SPOCD1: variants seen among roughly 807,000 people sequenced by gnomAD.
The protein encoded by SPOCD1 is SPOC domain containing 1.
A neutral mutation model predicts 92.2 loss-of-function variants in SPOCD1; 64 were observed. That is an observed-to-expected ratio of 0.69 (90% CI 0.57 to 0.86). The LOEUF (loss-of-function observed/expected upper bound fraction) is 0.86, where lower values mean the gene tolerates loss of function less well. SPOCD1 is among the 40% of genes least tolerant of loss of function. The pLI is 0.00. For synonymous variants in SPOCD1, 578 were observed against 619.3 expected (o/e 0.93, Z 0.99); for missense variants, 1,360 against 1,543.1 (o/e 0.88, Z 1.99).
At chr1:31,792,098 G>A (rs1647634499) in intron 15 of SPOCD1, 117 bp downstream of exon 15, 13 of 1,144,028 alleles carry the variant, frequency 1.1e-5, no homozygotes, top group Non-Finnish European at 1.6e-5. Flanking sequence ...TTGCCTGGCT[G>A]GGTGAGGAGT....
At chr1:31,796,275 C>A in intron 10 of SPOCD1, 1 of 441,902 alleles carries the variant, frequency 2.3e-6, no homozygotes, top group Non-Finnish European at 4.2e-6. Context: ...TGCTGCTTCC[C>A]AGCAGAGATC....
intron 10 of SPOCD1, 129 bp downstream of exon 10, chr1:31,796,461 G>A (rs745547327): frequency 5.2e-5 from 75 of 1,442,680 alleles, no homozygotes; most frequent in African/African-American, 8.4e-5. Context: ...CGCTGTCCCC[G>A]TTTTATCACA....
intron 2 of SPOCD1, among the ~76,000 whole-genome samples, chr1:31,804,366 C>T (rs1439150210): frequency 6.6e-6 from 1 of 152,106 alleles, no homozygotes; most frequent in East Asian, 1.9e-4. Flanking sequence ...ATTCCAGAGG[C>T]CATAACTTCA....
intron 15 of SPOCD1, chr1:31,791,985 T>C (rs1182125625): frequency 2.4e-5 from 14 of 591,162 alleles, no homozygotes; most frequent in Non-Finnish European, 4.2e-5. Context: ...TCTCATAGGG[T>C]GATGAGACTA....
At position 31,792,583 on chromosome 1, in the gene SPOCD1, C is replaced by G. The variant is rs973124579; in HGVS notation, c.2775+95G>C. On this transcript the variant is annotated intron_variant, in intron 14 of 15. Transcript: ENST00000360482. ...TCTGCAGTCACTCTGGGAACTAGAC[C>G]CAGATATCCAAGCCAGGCCTCTGCT... 7.4e-6 allele frequency: 9 copies of G among 1,218,292 alleles called. No individual in the cohort carries two copies. In the Admixed American group the frequency reaches 2.1e-4, roughly 28 times the overall value. The allele number at this position is 1,218,292 out of a possible 1,614,324, so 75.5% of individuals were successfully genotyped here.
At chr1:31,792,904 A>G in intron 13 of SPOCD1, 137 bp from the exon 14 acceptor site, 1 of 752,954 alleles carries the variant, frequency 1.3e-6, no homozygotes, top group South Asian at 1.5e-5. Flanking sequence ...GTGGCTGCCC[A>G]GAAAGCTCTA....
chr1:31,797,611 G>T (rs144543837), intron 9 of SPOCD1, among the ~76,000 whole-genome samples: 240 of 152,342 alleles, frequency 1.6e-3, no homozygotes, highest in African/African-American at 5.6e-3. Flanking sequence ...GGGCTGGAGT[G>T]CCTCGCCCCA....
intron 4 of SPOCD1, 51 bp downstream of exon 4, chr1:31,800,379 CTGTGAATCAGG>C: frequency 6.7e-7 from 1 of 1,482,402 alleles, no homozygotes; most frequent in South Asian, 1.3e-5. Context: ...AGTGACATCT[CTGTGAATCAGG>C]TGTGAAGGTG....
Position 31,814,463 on chromosome 1 carries a change from T to A in SPOCD1, c.871A>T (p.Thr291Ser). 2 of 1,582,800 alleles carry A rather than the reference T, an allele frequency of 1.3e-6. No homozygotes were observed. Among genetic ancestry groups the A allele is most frequent in the Non-Finnish European group, 1.7e-6 (2 of 1,163,228 alleles). ...GTEKFGYLPA[T>S]GDGPQPGSPC... ...CTGCCTGGCTGGGGCCCATCCCCTG[T>A]AGCGGGCAAATATCCAAATTTCTCA... Residue 291 changes from threonine (T) to serine (S), a missense_variant, in exon 2 of 16, where the codon ACA (threonine) becomes TCA (serine). Coordinates refer to ENST00000360482, the MANE Select transcript of SPOCD1 (RefSeq NM_144569.7). The surrounding 1 kb of genome is among the most constrained non-coding windows in gnomAD (Gnocchi z 4.2).
chr1:31,804,985 C>CTTTCTTTTTTTT (rs1553199549), intron 2 of SPOCD1, among the ~76,000 whole-genome samples: 4 of 105,914 alleles, frequency 3.8e-5, no homozygotes, highest in South Asian at 7.0e-4. Context: ...TTCTTTCTTT[C>CTTTCTTTTTTTT]TTTTTTTTTT....
chr1:31,797,818 C>T (rs367883398), intron 9 of SPOCD1, among the ~76,000 whole-genome samples: 1 of 152,184 alleles, frequency 6.6e-6, no homozygotes, highest in Admixed American at 6.5e-5. Flanking sequence ...GGCCCCTCCC[C>T]CAACCTGGGG....
In SPOCD1 at chr1:31,798,623, G is replaced by T. The variant is rs79366319; in HGVS notation, c.1869-22C>A. 1 of 1,607,532 alleles carries T rather than the reference G, an allele frequency of 6.2e-7. No homozygotes were observed. The highest frequency in any genetic ancestry group is 8.5e-7 in the Non-Finnish European group (1 of 1,177,746). On this transcript the variant is annotated intron_variant, in intron 7 of 15. Coordinates refer to ENST00000360482, the MANE Select transcript of SPOCD1 (RefSeq NM_144569.7). This position sits in a 1 kb window ranked among gnomAD's most constrained non-coding sequence, Gnocchi z 4.1. The stretch of plus-strand genomic sequence containing the variant: ...AAGGCTGTGGAGGCCAGGGCAGGGC[G>T]GGGGCACTGAGCCCAGGAGGCTCTC...
chr1:31,796,770 A>G, intron 9 of SPOCD1, 55 bp from the exon 10 acceptor site: 1 of 1,611,140 alleles, frequency 6.2e-7, no homozygotes, highest in South Asian at 1.1e-5. Flanking sequence ...CTGGCCATCA[A>G]AAGCCCAAGT....
chr1:31,796,245 C>T (rs1648010279), intron 10 of SPOCD1: 1 of 384,964 alleles, frequency 2.6e-6, no homozygotes, highest in Non-Finnish European at 5.0e-6. Flanking sequence ...GAAAAAGTCA[C>T]TGCCTGGAAC....
chr1:31,791,323 CAGCAG>C, intron 15 of SPOCD1, 32 bp from the exon 16 acceptor site: 1 of 1,460,934 alleles, frequency 6.8e-7, no homozygotes, highest in Non-Finnish European at 9.1e-7. Context: ...AGCTTAGCTG[CAGCAG>C]ATCTGGAGCC....
rs553549683 is a variant in SPOCD1 at position 31,805,855 on chromosome 1, T to C, written c.1384-4150A>G. Among the ~76,000 whole-genome samples, 4 of 152,266 alleles carry C rather than the reference T, an allele frequency of 2.6e-5. No homozygotes were observed. In the South Asian group the frequency reaches 8.3e-4, roughly 32 times the overall value. ...CCTTTAAGGAAAGAAAATACAGTTA[T>C]AAAGTCTTTATGAGACCCATTTCTA... On this transcript the variant is annotated intron_variant, in intron 2 of 15. Transcript: ENST00000360482.
chr1:31,794,753 T>A (rs2149098580), intron 10 of SPOCD1: 1 of 152,420 alleles, frequency 6.6e-6, no homozygotes, highest in East Asian at 1.9e-4. Flanking sequence ...GACCTCATGA[T>A]CCACACGCCT....
At chr1:31,796,314 A>G in intron 10 of SPOCD1, 1 of 516,096 alleles carries the variant, frequency 1.9e-6, no homozygotes, top group Admixed American at 3.1e-5. Context: ...GGGGATGACT[A>G]TGATGATGGG....
chr1:31,791,296 G>A lies in SPOCD1; in HGVS notation c.2963-5C>T, dbSNP rs374682326. 55 of 1,509,354 alleles carry A rather than the reference G, an allele frequency of 3.6e-5. 2 individuals carry two copies. Among genetic ancestry groups the A allele is most frequent in the South Asian group, 3.0e-4 (22 of 74,286 alleles). 93.5% of individuals were successfully genotyped at this position (1,509,354 alleles called of 1,614,324 possible). ...AGACAGGAAGAGCCCAAAGGCCTGC[G>A]GGGAAGAACTGTGTTCAGCTTAGCT... On this transcript the variant is annotated splice_polypyrimidine_tract_variant and splice_region_variant and intron_variant, in intron 15 of 15. Coordinates refer to ENST00000360482, the MANE Select transcript of SPOCD1 (RefSeq NM_144569.7).
Sources: gnomAD v4.1 joint callset for allele counts (sites outside exome capture counted in the v4.1 genomes callset) on GRCh38, gnomAD v4.1.1 for gene constraint, Gnocchi (gnomAD v3.1) non-coding constraint, MANE v1.5 for transcripts, NCBI Gene and HGNC (gene_info 2026-07-23, HGNC 2026-07-21) for gene names.